The following SEMA4D variants were observed in gnomAD, a reference collection of about 807,000 sequenced individuals.
The protein encoded by SEMA4D is semaphorin 4D.
Under a neutral mutation model 74.8 loss-of-function variants are expected in SEMA4D, and 22 were observed. The ratio of observed to expected loss-of-function variants is 0.29; its 90% CI spans 0.21 to 0.42. SEMA4D has a LOEUF of 0.42. SEMA4D is among the 10% of genes least tolerant of loss of function. The pLI is 1.00. For synonymous variants in SEMA4D, 445 were observed against 463.7 expected (o/e 0.96, Z 0.52); for missense variants, 937 against 1,118.4 (o/e 0.84, Z 2.31).
chr9:89,396,911 T>C, intron 5 of SEMA4D, 76 bp from the exon 6 acceptor site: 1 of 1,345,078 alleles, frequency 7.4e-7, no homozygotes, highest in South Asian at 1.3e-5. Flanking sequence ...CTCACGCCGT[T>C]CATCTCAGGG....
chr9:89,446,248 C>T (rs976679189), intron 2 of SEMA4D, among the ~76,000 whole-genome samples: 1 of 152,212 alleles, frequency 6.6e-6, no homozygotes, highest in Non-Finnish European at 1.5e-5. Flanking sequence ...GAGAAGAACA[C>T]TTGTGAGTGC....
intron 12 of SEMA4D, chr9:89,387,093 T>C (rs2133031558): frequency 2.9e-6 from 1 of 346,984 alleles, no homozygotes; most frequent in Non-Finnish European, 5.2e-6. Flanking sequence ...GCGTGGGCAC[T>C]GCCCCAACTC....
Position 89,391,278 on chromosome 9 carries a change from C to G in SEMA4D, c.760G>C (p.Ala254Pro). The G allele has an allele frequency of 6.2e-7, 1 of 1,614,196 alleles. No homozygotes were observed. Among genetic ancestry groups the G allele is most frequent in the Non-Finnish European group, 8.5e-7 (1 of 1,180,004 alleles). ...FVFRVLIPRI[A>P]RVCKGDQGGL... ...CTGGCACTCACCTTGCACACTCTTG[C>G]TATCCGTGGGATCAGCACCCTGAAC... The change falls in exon 9 of 16, where the codon GCA (alanine) becomes CCA (proline). Residue 254 changes from alanine (A) to proline (P), a missense_variant. Transcript: ENST00000422704.
intron 1 of SEMA4D, among the ~76,000 whole-genome samples, chr9:89,491,087 T>C (rs1012622070): frequency 2.6e-5 from 4 of 152,224 alleles, no homozygotes; most frequent in African/African-American, 9.6e-5. Flanking sequence ...CATTTTGTCA[T>C]AATTCATGTC....
chr9:89,379,119 G>C lies in SEMA4D; in HGVS notation c.2174C>G (p.Thr725Ser). The change falls in exon 16 of 16, where the codon ACC becomes AGC. Residue 725 changes from threonine (T) to serine (S), a missense_variant. Coordinates refer to ENST00000422704, the MANE Select transcript of SEMA4D (RefSeq NM_001371194.2). ...NTVPQLHSEK[T>S]MYLKSSDNRL... ...GTTGTCGCTGGACTTAAGATACATG[G>C]TTTTCTCCGAGTGGAGCTGGGGGAC... The C allele has an allele frequency of 6.2e-7, 1 of 1,614,200 alleles. No homozygotes were observed.
At chr9:89,409,677 G>A (rs1371248724) in intron 2 of SEMA4D, among the ~76,000 whole-genome samples, 1 of 152,192 alleles carries the variant, frequency 6.6e-6, no homozygotes, top group East Asian at 1.9e-4. Flanking sequence ...CATTAAGGAA[G>A]TAAGTGCCCA....
chr9:89,445,620 G>C (rs1001543171), intron 2 of SEMA4D, among the ~76,000 whole-genome samples: 3 of 152,162 alleles, frequency 2.0e-5, no homozygotes, highest in Admixed American at 2.0e-4. Context: ...GGGAGAGAGA[G>C]AGATTTATTA....
In SEMA4D at chr9:89,461,853, C is replaced by CCA; in HGVS notation, c.-309-5902_-309-5901dup. On this transcript the variant is annotated intron_variant, in intron 1 of 15. Coordinates refer to ENST00000422704, the MANE Select transcript of SEMA4D (RefSeq NM_001371194.2). ...GAGTAGCTGGGATTACAGGCGTGCG[C>CCA]CACTACGCCCGGCTAATTTTTGTAT... 1.3e-5 allele frequency among the ~76,000 whole-genome samples: 2 copies of CCA among 152,030 alleles called. 1 individual carries two copies. Among genetic ancestry groups the CCA allele is most frequent in the Middle Eastern group, 6.8e-3 (2 of 294 alleles).
At chr9:89,440,613 C>T (rs1313343842) in intron 2 of SEMA4D, among the ~76,000 whole-genome samples, 1 of 152,202 alleles carries the variant, frequency 6.6e-6, no homozygotes, top group East Asian at 1.9e-4. Context: ...GAGGCTGCTT[C>T]CTCCTCTGAG....
chr9:89,372,696 G>A (rs949401954), downstream of SEMA4D, among the ~76,000 whole-genome samples: 2 of 152,034 alleles, frequency 1.3e-5, no homozygotes, highest in African/African-American at 2.4e-5. Context: ...GCGGCTCCCA[G>A]GGCACGGGCC....
intron 5 of SEMA4D, among the ~76,000 whole-genome samples, chr9:89,398,319 T>C (rs886489551): frequency 1.6e-4 from 25 of 152,158 alleles, no homozygotes; most frequent in African/African-American, 6.0e-4. Context: ...GGCTGGATTT[T>C]GGAGAAATGG....
At position 89,405,716 on chromosome 9, in the gene SEMA4D, A is replaced by C. The variant is rs911770249; in HGVS notation, c.-243-17T>G. 5 of 1,405,254 alleles carry C rather than the reference A, an allele frequency of 3.6e-6. No homozygotes were observed. Among genetic ancestry groups the C allele is most frequent in the Non-Finnish European group, 4.6e-6 (5 of 1,083,324 alleles). 87.0% of individuals were successfully genotyped at this position (1,405,254 alleles called of 1,614,324 possible). A position where few individuals can be genotyped will look rare whatever the true frequency, so the allele number is the denominator to read the frequency against. On this transcript the variant is annotated splice_polypyrimidine_tract_variant and intron_variant, in intron 2 of 15. Coordinates refer to ENST00000422704, the MANE Select transcript of SEMA4D (RefSeq NM_001371194.2). ...GAAGAAATGCTGGAAGGACATGAGA[A>C]AGAAAAGGCAGGACCCATGGTGAGT...
Position 89,448,949 on chromosome 9 carries a change from G to A in SEMA4D, c.-244+6939C>T, listed in dbSNP as rs553636435. The stretch of plus-strand genomic sequence containing the variant: ...CCTCCTCCCACGGGAAGGCAGGATG[G>A]GGCTCATCACAAACCATCACTGACC... On this transcript the variant is annotated intron_variant, in intron 2 of 15. Transcript: ENST00000422704. Among the ~76,000 whole-genome samples the A allele has an allele frequency of 5.4e-4, 82 of 152,316 alleles. 4 individuals are homozygous for A. In the South Asian group the frequency reaches 0.015, roughly 27 times the overall value.
intron 2 of SEMA4D, among the ~76,000 whole-genome samples, chr9:89,423,220 T>TCA (rs1325952168): frequency 6.6e-6 from 1 of 151,664 alleles, no homozygotes. Flanking sequence ...AGATGGAGTT[T>TCA]CACTCTTGTT....
chr9:89,449,574 A>G, intron 2 of SEMA4D: 1 of 829,274 alleles, frequency 1.2e-6, no homozygotes. Context: ...GGCAAAGACG[A>G]GCAGCAGGAG....
intron 5 of SEMA4D, among the ~76,000 whole-genome samples, chr9:89,397,722 G>A (rs893327284): frequency 1.3e-5 from 2 of 152,188 alleles, no homozygotes; most frequent in Non-Finnish European, 2.9e-5. Context: ...TCTAACTTTG[G>A]ATTTAGAGAC....
At chr9:89,363,906 G>A (rs770199417) in exon 17 of SEMA4D, 1 of 1,614,124 alleles carries the variant, frequency 6.2e-7, no homozygotes, top group South Asian at 1.1e-5. Context: ...CAGGTCTCCA[G>A]AGCTCGCCCA....
At chr9:89,454,810 A>G (rs1855538558) in intron 2 of SEMA4D, among the ~76,000 whole-genome samples, 2 of 152,188 alleles carry the variant, frequency 1.3e-5, no homozygotes, top group African/African-American at 4.8e-5. Context: ...GAAGAGACAC[A>G]GCCATGCCAC....
intron 2 of SEMA4D, among the ~76,000 whole-genome samples, chr9:89,425,316 C>T (rs545979249): frequency 4.6e-5 from 7 of 152,344 alleles, no homozygotes; most frequent in African/African-American, 1.4e-4. Context: ...CTCAGACCTG[C>T]CCTCTGGGAA....
Sources: gnomAD v4.1 joint callset for allele counts (sites outside exome capture counted in the v4.1 genomes callset) on GRCh38, gnomAD v4.1.1 for gene constraint, MANE v1.5 for transcripts, NCBI Gene and HGNC (gene_info 2026-07-23, HGNC 2026-07-21) for gene names.